Variants in MBD2 observed in about 807,000 individuals in gnomAD.
The protein encoded by MBD2 is methyl-CpG binding domain protein 2.
A neutral mutation model predicts 39.3 loss-of-function variants in MBD2; 9 were observed. That is an observed-to-expected ratio of 0.23 (90% CI 0.14 to 0.40). The LOEUF (loss-of-function observed/expected upper bound fraction) is 0.40, where lower values mean the gene tolerates loss of function less well. Ranked by LOEUF, MBD2 falls within the 10% of genes least tolerant of loss-of-function variation. The pLI is 1.00. For synonymous variants in MBD2, 233 were observed against 211.1 expected, an observed-to-expected ratio of 1.10 and a Z score of -0.90; for missense variants, 458 against 532.6, an observed-to-expected ratio of 0.86 and a Z score of 1.38.
intron 3 of MBD2, among the ~76,000 whole-genome samples, chr18:54,173,398 C>A (rs776341388): frequency 6.3e-4 from 96 of 152,158 alleles, no homozygotes; most frequent in Non-Finnish European, 1.2e-3. Context: ...CTCTTTTAAG[C>A]ACAAGGCCCT....
intron 3 of MBD2, among the ~76,000 whole-genome samples, chr18:54,171,652 C>G (rs1276977857): frequency 6.6e-6 from 1 of 152,042 alleles, no homozygotes; most frequent in African/African-American, 2.4e-5. Flanking sequence ...TCTGTCTTAC[C>G]CAGTGAAACT....
At chr18:54,190,975 A>G (rs1270078930) in intron 2 of MBD2, among the ~76,000 whole-genome samples, 1 of 152,214 alleles carries the variant, frequency 6.6e-6, no homozygotes, top group Non-Finnish European at 1.5e-5. Context: ...GAGAAAACAC[A>G]ATTATCGTGT....
chr18:54,189,213 T>A (rs924838621), intron 2 of MBD2, among the ~76,000 whole-genome samples: 2 of 150,178 alleles, frequency 1.3e-5, no homozygotes, highest in Admixed American at 1.3e-4. Context: ...TATGAAAAAC[T>A]TTTTGTATAC....
chr18:54,202,772 C>A, intron 2 of MBD2: 2 of 1,487,520 alleles, frequency 1.3e-6, no homozygotes, highest in Non-Finnish European at 1.8e-6. Flanking sequence ...AAACATAAAG[C>A]AATATTAAGT....
At chr18:54,162,696 C>T (rs2086105623) in intron 5 of MBD2, among the ~76,000 whole-genome samples, 1 of 152,206 alleles carries the variant, frequency 6.6e-6, no homozygotes. Flanking sequence ...GAACTTGTCT[C>T]TGGAGTAATT....
intron 2 of MBD2, among the ~76,000 whole-genome samples, chr18:54,200,070 T>C (rs1042646231): frequency 2.0e-5 from 3 of 152,308 alleles, no homozygotes; most frequent in African/African-American, 7.2e-5. Context: ...TACTACCACC[T>C]TAAACCAAGA....
chr18:54,197,502 C>T (rs1798297508), intron 2 of MBD2, among the ~76,000 whole-genome samples: 1 of 152,200 alleles, frequency 6.6e-6, no homozygotes, highest in African/African-American at 2.4e-5. Flanking sequence ...TTTTGTATAG[C>T]ACCTCAAATG....
intron 5 of MBD2, among the ~76,000 whole-genome samples, chr18:54,161,742 C>A (rs1168012005): frequency 6.6e-6 from 1 of 152,204 alleles, no homozygotes; most frequent in Non-Finnish European, 1.5e-5. Flanking sequence ...TGGTCCCCAA[C>A]AGTCCCTCTT....
At chr18:54,168,045 A>C (rs868818847) in intron 3 of MBD2, among the ~76,000 whole-genome samples, 2 of 150,318 alleles carry the variant, frequency 1.3e-5, no homozygotes, top group Non-Finnish European at 1.5e-5. Context: ...TGCTTTTATA[A>C]TTAAATATAA....
intron 1 of MBD2, among the ~76,000 whole-genome samples, chr18:54,220,853 C>T (rs535388520): frequency 3.9e-5 from 6 of 152,216 alleles, no homozygotes; most frequent in African/African-American, 7.2e-5. Context: ...TATCATATTA[C>T]GCTACATACA....
intron 1 of MBD2, among the ~76,000 whole-genome samples, chr18:54,206,887 G>A (rs982720196): frequency 2.6e-5 from 4 of 152,172 alleles, no homozygotes; most frequent in Non-Finnish European, 5.9e-5. Context: ...CAAGTCACTC[G>A]CAATATTGTC....
At chr18:54,211,033 G>A (rs1161996916) in intron 1 of MBD2, among the ~76,000 whole-genome samples, 4 of 150,684 alleles carry the variant, frequency 2.7e-5, no homozygotes, top group Non-Finnish European at 4.4e-5. Context: ...CACTACGCCC[G>A]GCTAATTTTT....
intron 3 of MBD2, among the ~76,000 whole-genome samples, chr18:54,171,985 T>C (rs1413131652): frequency 6.6e-6 from 1 of 152,224 alleles, no homozygotes; most frequent in Non-Finnish European, 1.5e-5. Flanking sequence ...TTAGGTTATA[T>C]AGTACAAGCC....
At chr18:54,198,708 C>T (rs2086384095) in intron 2 of MBD2, among the ~76,000 whole-genome samples, 1 of 152,144 alleles carries the variant, frequency 6.6e-6, no homozygotes, top group African/African-American at 2.4e-5. Flanking sequence ...GAGACCGTCT[C>T]AACAATAAAA....
intron 3 of MBD2, among the ~76,000 whole-genome samples, chr18:54,178,575 C>T (rs1345449483): frequency 2.0e-5 from 3 of 151,838 alleles, no homozygotes; most frequent in African/African-American, 7.3e-5. Flanking sequence ...AAACAAAGAT[C>T]CCAATAGTAC....
At chr18:54,189,048 A>C (rs777679228) in intron 2 of MBD2, 37 bp from the exon 3 acceptor site, 105 of 1,365,058 alleles carry the variant, frequency 7.7e-5, no homozygotes, top group South Asian at 1.4e-5. Flanking sequence ...AAAATATTAT[A>C]TATAAACACA....
In MBD2 at chr18:54,154,788, C is replaced by T. The variant is rs765386739; in HGVS notation, c.*536G>A. ...TGAATGTAAATCAGAGGAAGGCTAACGAGGGGTTCTTTATTGTGTGTGCTT... is the reference window on the plus strand; with the variant it reads ...TGAATGTAAATCAGAGGAAGGCTAATGAGGGGTTCTTTATTGTGTGTGCTT... On this transcript the variant is annotated 3_prime_UTR_variant, in exon 7 of 7. Transcript: ENST00000256429. 2.6e-5 allele frequency: 4 copies of T among 152,528 alleles called. No individual in the cohort carries two copies. Among genetic ancestry groups the T allele is most frequent in the East Asian group, 1.9e-4 (1 of 5,194 alleles). 9.4% of individuals were successfully genotyped at this position (152,528 alleles called of 1,614,324 possible).
intron 3 of MBD2, among the ~76,000 whole-genome samples, chr18:54,175,037 T>C (rs562749194): frequency 3.3e-5 from 5 of 152,362 alleles, no homozygotes; most frequent in East Asian, 1.9e-4. Context: ...TATTCTTACA[T>C]GAAAACTGGA....
At chr18:54,217,706 TTAAC>T (rs2086573031) in intron 1 of MBD2, among the ~76,000 whole-genome samples, 1 of 152,236 alleles carries the variant, frequency 6.6e-6, no homozygotes, top group Non-Finnish European at 1.5e-5. Context: ...TGATATCTCA[TTAAC>T]TAAATTTTTA....
Sources: allele counts gnomAD v4.1 joint callset (sites outside exome capture counted in the v4.1 genomes callset), GRCh38; gene constraint gnomAD v4.1.1; transcripts MANE v1.5; gene names NCBI Gene and HGNC (gene_info 2026-07-23, HGNC 2026-07-21).